The following TMEM132B variants were observed in gnomAD, a reference collection of about 807,000 sequenced individuals.
TMEM132B encodes transmembrane protein 132B.
A neutral mutation model predicts 90.8 loss-of-function variants in TMEM132B; 18 were observed. That is an observed-to-expected ratio of 0.20 (90% CI 0.14 to 0.29). TMEM132B has a LOEUF of 0.29. Among genes scored for constraint, TMEM132B ranks in the 10% least tolerant of loss-of-function variants. The pLI, the probability that TMEM132B is intolerant of heterozygous loss-of-function variation, is 1.00. For synonymous variants in TMEM132B, 504 were observed against 523.3 expected (o/e 0.96, Z 0.50); for missense variants, 1,096 against 1,326.8 (o/e 0.83, Z 2.70).
intron 1 of TMEM132B, among the ~76,000 whole-genome samples, chr12:125,284,296 T>A (rs1347736752): frequency 1.3e-5 from 2 of 152,234 alleles, no homozygotes; most frequent in Non-Finnish European, 2.9e-5. Context: ...GTTACATGAA[T>A]CTTTGCAGAG....
At chr12:125,556,177 C>G (rs1335768690) in intron 4 of TMEM132B, among the ~76,000 whole-genome samples, 2 of 152,210 alleles carry the variant, frequency 1.3e-5, no homozygotes, top group Non-Finnish European at 2.9e-5. Flanking sequence ...CCACTCATCT[C>G]CTCAGTTAAC....
intron 4 of TMEM132B, among the ~76,000 whole-genome samples, chr12:125,538,386 T>G (rs1019138331): frequency 6.6e-6 from 1 of 152,118 alleles, no homozygotes; most frequent in African/African-American, 2.4e-5. Context: ...TCACCAATTT[T>G]AGGGATAGTG....
chr12:125,501,452 T>C (rs1416887261), intron 3 of TMEM132B, among the ~76,000 whole-genome samples: 1 of 152,150 alleles, frequency 6.6e-6, no homozygotes, highest in Non-Finnish European at 1.5e-5. Context: ...GCCATGGTGG[T>C]TTGCTGCATG....
intron 1 of TMEM132B, among the ~76,000 whole-genome samples, chr12:125,330,653 A>G (rs896784094): frequency 1.3e-5 from 2 of 152,228 alleles, no homozygotes; most frequent in Non-Finnish European, 2.9e-5. Context: ...TAAAACAGCA[A>G]TATGTATCAA....
chr12:125,423,339 G>T (rs1257161074), intron 3 of TMEM132B, among the ~76,000 whole-genome samples: 3 of 152,224 alleles, frequency 2.0e-5, no homozygotes, highest in Non-Finnish European at 4.4e-5. Context: ...TCAAAGCCAG[G>T]ATCCCATGTA....
chr12:125,234,884 AT>A (rs1353926944), intron 1 of TMEM132B, among the ~76,000 whole-genome samples: 1 of 152,098 alleles, frequency 6.6e-6, no homozygotes, highest in African/African-American at 2.4e-5. Context: ...GTGGGGATAA[AT>A]GGGGTGTGGG....
chr12:125,297,719 T>TC (rs1372040165), intron 1 of TMEM132B, among the ~76,000 whole-genome samples: 1 of 152,132 alleles, frequency 6.6e-6, no homozygotes, highest in East Asian at 1.9e-4. Context: ...GCTCTAGACC[T>TC]CCACCTGTGA....
intron 2 of TMEM132B, among the ~76,000 whole-genome samples, chr12:125,399,286 C>T (rs1879244950): frequency 6.6e-6 from 1 of 152,188 alleles, no homozygotes; most frequent in Non-Finnish European, 1.5e-5. Context: ...CGTAGCAGAT[C>T]ATCCTAAAGT....
At chr12:125,434,265 G>T (rs1737710266) in intron 3 of TMEM132B, among the ~76,000 whole-genome samples, 1 of 152,150 alleles carries the variant, frequency 6.6e-6, no homozygotes, top group South Asian at 2.1e-4. Flanking sequence ...GACCAGTGTG[G>T]TCACATCAGG....
Position 125,661,720 on chromosome 12 carries a change from CTA to C in TMEM132B, c.*7012_*7013del, listed in dbSNP as rs1273629475. 1 of 152,134 alleles carries C rather than the reference CTA, an allele frequency of 6.6e-6. No individual in the cohort carries two copies. Among genetic ancestry groups the C allele is most frequent in the African/African-American group, 2.4e-5 (1 of 41,430 alleles). 9.4% of individuals were successfully genotyped at this position (152,134 alleles called of 1,614,324 possible). ...TTGTGGGCATAAGCAAACACCATAA[CTA>C]TGAAAGGCTGAGAGTGGAGAATTAA... On this transcript the variant is annotated 3_prime_UTR_variant, in exon 9 of 9. Coordinates refer to ENST00000682704, the MANE Select transcript of TMEM132B (RefSeq NM_001366854.1).
intron 2 of TMEM132B, among the ~76,000 whole-genome samples, chr12:125,388,093 G>A (rs1878897781): frequency 6.6e-6 from 1 of 152,128 alleles, no homozygotes; most frequent in African/African-American, 2.4e-5. Context: ...TGTGGGGGAG[G>A]TTGTTAAATC....
chr12:125,650,848 C>T lies in TMEM132B; in HGVS notation c.1809C>T (p.Ile603=), dbSNP rs1331052007. 18 of 1,614,068 alleles carry T rather than the reference C, an allele frequency of 1.1e-5. No homozygotes were observed. Among genetic ancestry groups the T allele is most frequent in the Non-Finnish European group, 1.5e-5 (18 of 1,180,034 alleles). Residue 603 remains isoleucine (I), a synonymous_variant, in exon 7 of 9, where the codon ATC becomes ATT. Transcript: ENST00000682704. ...TGGGCCCCGACTGGCAGTTTGACAT[C>T]ACTGACCTTGTGACCGAGTTCATGA... The part of the protein sequence containing the change: ...YMLGPDWQFD[I]TDLVTEFMKV...
At chr12:125,444,916 C>T (rs756013299) in intron 3 of TMEM132B, among the ~76,000 whole-genome samples, 19 of 152,102 alleles carry the variant, frequency 1.2e-4, no homozygotes, top group Non-Finnish European at 2.2e-4. Context: ...CGAGAATTTC[C>T]ACCCTGCTGC....
chr12:125,602,451 A>G (rs985611190), intron 5 of TMEM132B, among the ~76,000 whole-genome samples: 9 of 146,976 alleles, frequency 6.1e-5, no homozygotes, highest in African/African-American at 2.2e-4. Flanking sequence ...CTAGGTATTG[A>G]TGAAACATAT....
intron 3 of TMEM132B, among the ~76,000 whole-genome samples, chr12:125,431,251 C>T (rs1880495463): frequency 6.6e-6 from 1 of 152,052 alleles, no homozygotes; most frequent in Non-Finnish European, 1.5e-5. Flanking sequence ...CGCCATCATC[C>T]AGGGGCTGTA....
In TMEM132B at chr12:125,213,324, G is replaced by C. The variant is rs1481393236; in HGVS notation, c.67+26458G>C. On this transcript the variant is annotated intron_variant, in intron 1 of 8. Transcript: ENST00000682704. This position sits in a 1 kb window ranked among gnomAD's most constrained non-coding sequence, Gnocchi z 4.2. Reference sequence around the variant, plus strand: ...CCACCTTTTGTTTATCCGTTCATCTGTTAGTGGGTGTTTGGGTTGCTTCCA... The same window carrying C: ...CCACCTTTTGTTTATCCGTTCATCTCTTAGTGGGTGTTTGGGTTGCTTCCA... Among the ~76,000 whole-genome samples the C allele has an allele frequency of 6.6e-6, 1 of 152,200 alleles. No individual in the cohort carries two copies. Among genetic ancestry groups the C allele is most frequent in the Admixed American group, 6.5e-5 (1 of 15,286 alleles).
At chr12:125,338,788 T>C (rs547947721) in intron 1 of TMEM132B, among the ~76,000 whole-genome samples, 19 of 152,376 alleles carry the variant, frequency 1.2e-4, no homozygotes, top group African/African-American at 4.3e-4. Context: ...ATATCCTCCC[T>C]CCATTTCTCT....
intron 3 of TMEM132B, among the ~76,000 whole-genome samples, chr12:125,501,683 A>G (rs560358076): frequency 2.0e-5 from 3 of 152,312 alleles, no homozygotes; most frequent in South Asian, 2.1e-4. Context: ...CCATGGCTGA[A>G]TAATGTACTG....
At position 125,584,294 on chromosome 12, in the gene TMEM132B, C is replaced by T. The variant is rs568871919; in HGVS notation, c.1437+300C>T. 14 of 344,288 alleles carry T rather than the reference C, an allele frequency of 4.1e-5. No homozygotes were observed. In the East Asian group the frequency reaches 6.3e-4, roughly 16 times the overall value. 21.3% of individuals were successfully genotyped at this position (344,288 alleles called of 1,614,324 possible). A position where few individuals can be genotyped will look rare whatever the true frequency, so the allele number is the denominator to read the frequency against. ...CCCTATTCTTCTCTCTATCTTTCCT[C>T]GTAAGACAATATTTTCCTAACTTTA... On this transcript the variant is annotated intron_variant, in intron 5 of 8. Transcript: ENST00000682704.
Sources: gnomAD v4.1 joint callset for allele counts (sites outside exome capture counted in the v4.1 genomes callset) on GRCh38, gnomAD v4.1.1 for gene constraint, Gnocchi (gnomAD v3.1) non-coding constraint, MANE v1.5 for transcripts, NCBI Gene and HGNC (gene_info 2026-07-23, HGNC 2026-07-21) for gene names.